Variants in PMS1 observed in about 807,000 individuals in gnomAD.
The protein encoded by PMS1 is PMS1 homolog 1, mismatch repair system component, also known as PMS1 protein homolog 1.
Under a neutral mutation model 93.1 loss-of-function variants are expected in PMS1, and 79 were observed. The observed-to-expected ratio is 0.85, with a 90% CI of 0.71 to 1.02. PMS1 has a LOEUF of 1.02. PMS1 is among the 50% of genes least tolerant of loss of function. The pLI is 0.00. For synonymous variants in PMS1, 335 were observed against 363.4 expected (o/e 0.92, Z 0.89); for missense variants, 1,064 against 1,085.3 (o/e 0.98, Z 0.28).
At chr2:189,817,382 A>G (rs1443924198) in intron 4 of PMS1, among the ~76,000 whole-genome samples, 4 of 152,192 alleles carry the variant, frequency 2.6e-5, no homozygotes, top group African/African-American at 9.7e-5. Context: ...CTATGTACCT[A>G]TCGTATATGG....
At chr2:189,814,807 G>A (rs2051134500) in intron 4 of PMS1, among the ~76,000 whole-genome samples, 1 of 152,048 alleles carries the variant, frequency 6.6e-6, no homozygotes, top group Non-Finnish European at 1.5e-5. Context: ...CAAAACATAC[G>A]ATACTCTGGG....
intron 1 of PMS1, among the ~76,000 whole-genome samples, chr2:189,787,260 CT>C (rs369408861): frequency 1.8e-3 from 281 of 152,200 alleles, no homozygotes; most frequent in African/African-American, 6.3e-3. Flanking sequence ...AAGGAGGATA[CT>C]TTTTCTAATG....
At chr2:189,843,645 A>G (rs116494203) in intron 5 of PMS1, among the ~76,000 whole-genome samples, 16 of 152,314 alleles carry the variant, frequency 1.1e-4, no homozygotes, top group African/African-American at 3.8e-4. Context: ...TATTTAGTGA[A>G]ACTGTTTTAT....
chr2:189,869,509 GT>G (rs1375181839), intron 11 of PMS1, among the ~76,000 whole-genome samples: 3 of 151,934 alleles, frequency 2.0e-5, no homozygotes, highest in Non-Finnish European at 4.4e-5. Flanking sequence ...GCAGGTACTG[GT>G]TTTTTTCATG....
intron 3 of PMS1, among the ~76,000 whole-genome samples, chr2:189,801,493 A>G (rs1199366734): frequency 1.3e-5 from 2 of 152,248 alleles, no homozygotes; most frequent in African/African-American, 4.8e-5. Flanking sequence ...AAAACACAAA[A>G]TATTTTTCTT....
intron 12 of PMS1, among the ~76,000 whole-genome samples, chr2:189,876,770 CTTTTTTT>C (rs150660131): frequency 8.5e-6 from 1 of 117,904 alleles, no homozygotes; most frequent in East Asian, 2.2e-4. Flanking sequence ...ACCGTGCCCA[CTTTTTTT>C]TTTTTTTTTT....
At position 189,806,734 on chromosome 2, in the gene PMS1, T is replaced by C. The variant is rs573157763; in HGVS notation, c.418+980T>C. 1.1e-3 allele frequency: 216 copies of C among 198,910 alleles called. 1 individual carries two copies. Among genetic ancestry groups the C allele is most frequent in the Middle Eastern group, 1.7e-3 (1 of 582 alleles). 12.3% of individuals were successfully genotyped at this position (198,910 alleles called of 1,614,324 possible). On this transcript the variant is annotated intron_variant, in intron 4 of 12. Coordinates refer to ENST00000441310, the MANE Select transcript of PMS1 (RefSeq NM_000534.5). The stretch of plus-strand genomic sequence containing the variant: ...AATTTCTCTAAAAACTATTTACTTA[T>C]AAAGGTAAAAAAGATCTCTTTAGGC...
At chr2:189,828,373 C>A (rs1575168188) in intron 5 of PMS1, among the ~76,000 whole-genome samples, 1 of 152,102 alleles carries the variant, frequency 6.6e-6, no homozygotes, top group East Asian at 1.9e-4. Flanking sequence ...GTAATTGCCC[C>A]GATTTGATCA....
chr2:189,877,462 A>G lies in PMS1; in HGVS notation c.*26A>G. ...TTAAATATGTTTAAGAAGATTAGTT[A>G]CCATTGAAATTGGTTCTGTCATAAA... On this transcript the variant is annotated 3_prime_UTR_variant, in exon 13 of 13. Coordinates refer to ENST00000441310, the MANE Select transcript of PMS1 (RefSeq NM_000534.5). 3.3e-6 allele frequency: 5 copies of G among 1,532,308 alleles called. No homozygotes were observed. The highest frequency in any genetic ancestry group is 4.5e-6 in the Non-Finnish European group (5 of 1,106,794). The allele number at this position is 1,532,308 out of a possible 1,614,324, so 94.9% of individuals were successfully genotyped here.
At chr2:189,838,878 A>C (rs1424364086) in intron 5 of PMS1, among the ~76,000 whole-genome samples, 1 of 152,240 alleles carries the variant, frequency 6.6e-6, no homozygotes, top group Non-Finnish European at 1.5e-5. Flanking sequence ...ATTAGGAATT[A>C]ATTACACATA....
intron 3 of PMS1, among the ~76,000 whole-genome samples, chr2:189,798,237 G>A (rs541013359): frequency 6.6e-6 from 1 of 152,254 alleles, no homozygotes; most frequent in South Asian, 2.1e-4. Flanking sequence ...AAGTAGCACC[G>A]TTGTTAAATT....
intron 11 of PMS1, 26 bp from the exon 12 acceptor site, chr2:189,873,465 TAACTA>T (rs2057315753): frequency 6.8e-7 from 1 of 1,472,044 alleles, no homozygotes; most frequent in African/African-American, 1.4e-5. Flanking sequence ...AATATGAACT[TAACTA>T]TGTGTTTTTA....
At chr2:189,866,660 C>T (rs1056900963) in intron 10 of PMS1, among the ~76,000 whole-genome samples, 2 of 152,246 alleles carry the variant, frequency 1.3e-5, no homozygotes, top group African/African-American at 4.8e-5. Context: ...ATTTATTGAA[C>T]ATTTACTGTA....
chr2:189,860,800 ATTTTTTTTTTTTTTTTTTTTTTTT>A (rs1158514130), intron 9 of PMS1, among the ~76,000 whole-genome samples: 7 of 40,994 alleles, frequency 1.7e-4, no homozygotes, highest in Non-Finnish European at 3.3e-4. Flanking sequence ...TCTTTGAGGA[ATTTTTTTTTTTTTTTTTTTTTTTT>A]TTTTTTTTTT....
intron 5 of PMS1, among the ~76,000 whole-genome samples, chr2:189,819,660 C>G (rs2051653992): frequency 1.3e-5 from 2 of 152,120 alleles, no homozygotes; most frequent in Non-Finnish European, 2.9e-5. Flanking sequence ...CATATGCTTG[C>G]TGGCCTTTTG....
intron 5 of PMS1, among the ~76,000 whole-genome samples, chr2:189,824,531 T>C (rs2052253391): frequency 6.6e-6 from 1 of 152,122 alleles, no homozygotes; most frequent in Non-Finnish European, 1.5e-5. Flanking sequence ...AAGCAGTATT[T>C]ATAGTGTACT....
rs5743101 is a variant in PMS1 at position 189,841,240 on chromosome 2, T to C, written c.583-2724T>C. On this transcript the variant is annotated intron_variant, in intron 5 of 12. Transcript: ENST00000441310. ...AGATAATAATACCTACCTGAAATGA[T>C]TGTGAAAATAAACAGTAGTTTCTAG... Among the ~76,000 whole-genome samples, 81 of 152,316 alleles carry C rather than the reference T, an allele frequency of 5.3e-4. 1 individual carries two copies. The South Asian group carries it at 0.017, about 31-fold the overall frequency.
At chr2:189,822,464 A>G (rs528050487) in intron 5 of PMS1, among the ~76,000 whole-genome samples, 3 of 151,928 alleles carry the variant, frequency 2.0e-5, no homozygotes, top group African/African-American at 4.8e-5. Flanking sequence ...TTTTTAAGGT[A>G]TTGGGTCAGC....
chr2:189,867,965 A>ACAAGACTAATTTTTCCAC, intron 11 of PMS1, 36 bp downstream of exon 11: 1 of 1,543,172 alleles, frequency 6.5e-7, no homozygotes, highest in Non-Finnish European at 9.0e-7. Context: ...CTGATGTGGA[A>ACAAGACTAATTTTTCCAC]AAATTAGTCT....
Sources: gnomAD v4.1 joint callset for allele counts (sites outside exome capture counted in the v4.1 genomes callset) on GRCh38, gnomAD v4.1.1 for gene constraint, MANE v1.5 for transcripts, NCBI Gene and HGNC (gene_info 2026-07-23, HGNC 2026-07-21) for gene names.